Variants in TLL2 observed in about 807,000 individuals in gnomAD.
TLL2 encodes tolloid-like protein 2.
Under a neutral mutation model 123.0 loss-of-function variants are expected in TLL2, and 106 were observed. That is an observed-to-expected ratio of 0.86 (90% confidence interval 0.74 to 1.01). TLL2 has a LOEUF of 1.01. Ranked by LOEUF, TLL2 falls within the 50% of genes least tolerant of loss-of-function variation. The pLI, the probability that TLL2 is intolerant of heterozygous loss-of-function variation, is 0.00. For synonymous variants in TLL2, 494 were observed against 516.8 expected (o/e 0.96, Z 0.60); for missense variants, 1,332 against 1,336.7 (o/e 1.00, Z 0.06).
chr10:96,400,887 A>G (rs1846386784), intron 10 of TLL2, among the ~76,000 whole-genome samples: 1 of 152,206 alleles, frequency 6.6e-6, no homozygotes, highest in Non-Finnish European at 1.5e-5. Flanking sequence ...GTGCAATATC[A>G]TAAGTGACCC....
At chr10:96,384,519 C>A in intron 16 of TLL2, 68 bp downstream of exon 16, 2 of 1,417,520 alleles carry the variant, frequency 1.4e-6, no homozygotes, top group Non-Finnish European at 1.9e-6. Context: ...GGCCAGGGAC[C>A]CCAGAGCCTG....
intron 9 of TLL2, among the ~76,000 whole-genome samples, chr10:96,409,031 A>T (rs73324586): frequency 0.013 from 1,948 of 152,366 alleles, 36 homozygotes; most frequent in African/African-American, 0.04. Flanking sequence ...ATTTGTCTCT[A>T]GTTAGCACAC....
At position 96,420,878 on chromosome 10, in the gene TLL2, C is replaced by T. The variant is rs551999101; in HGVS notation, c.923+78G>A. The T allele has an allele frequency of 2.0e-5, 26 of 1,293,732 alleles. 2 individuals are homozygous for T. The highest frequency in any genetic ancestry group is 9.6e-5 in the South Asian group (8 of 83,768). The allele number at this position is 1,293,732 out of a possible 1,614,324, so 80.1% of individuals were successfully genotyped here. ...TAGAAGCATGCAGAGACCCACTCTCCGCAGACCTCCAGGAATCCAACCCAA... is the reference window on the plus strand; with the variant it reads ...TAGAAGCATGCAGAGACCCACTCTCTGCAGACCTCCAGGAATCCAACCCAA... On this transcript the variant is annotated intron_variant, in intron 7 of 20. Transcript: ENST00000357947.
rs184598175 is a variant in TLL2, at chr10:96,485,578, A to G, written c.176-5119T>C. Among the ~76,000 whole-genome samples, 939 of 152,342 alleles carry G rather than the reference A, an allele frequency of 6.2e-3. 8 individuals carry two copies. The highest frequency in any genetic ancestry group is 0.021 in the African/African-American group (873 of 41,592). On this transcript the variant is annotated intron_variant, in intron 1 of 20. Coordinates refer to ENST00000357947, the MANE Select transcript of TLL2 (RefSeq NM_012465.4). ...AGTCATTAGGGAAATGCAAATCAAA[A>G]CCACAATGAAGTACCACTTCACAGC...
intron 6 of TLL2, 131 bp downstream of exon 6, chr10:96,422,418 A>G (rs1467617270): frequency 9.0e-7 from 1 of 1,106,644 alleles, no homozygotes; most frequent in Non-Finnish European, 1.3e-6. Context: ...CCTGTACAAC[A>G]GAGTCATTGC....
At position 96,513,678 on chromosome 10, in the gene TLL2, C is replaced by A; in HGVS notation, c.8G>T (p.Arg3Leu). MP[R>L]ATALGALVSL... ...CACCAGGGCCCCAAGTGCAGTCGCC[C>A]GGGGCATGGTGGCGCGGGGCCGGCT... The change falls in exon 1 of 21, where the codon CGG becomes CTG. Residue 3 changes from arginine (R) to leucine (L), a missense_variant. Physicochemically the swap from Arg to Leu is moderately radical, Grantham distance 102. Coordinates refer to ENST00000357947, the MANE Select transcript of TLL2 (RefSeq NM_012465.4). 1 of 1,547,130 alleles carries A rather than the reference C, an allele frequency of 6.5e-7. No individual in the cohort carries two copies. Among genetic ancestry groups the A allele is most frequent in the Non-Finnish European group, 8.7e-7 (1 of 1,152,420 alleles).
rs115258067 is a variant in TLL2 at position 96,399,209 on chromosome 10, C to A, written c.1268-1907G>T. 5.3e-3 allele frequency among the ~76,000 whole-genome samples: 810 copies of A among 152,248 alleles called. 14 individuals carry two copies. Among genetic ancestry groups the A allele is most frequent in the African/African-American group, 0.018 (760 of 41,520 alleles). On this transcript the variant is annotated intron_variant, in intron 10 of 20. Coordinates refer to ENST00000357947, the MANE Select transcript of TLL2 (RefSeq NM_012465.4). ...TCTAAAATTGATTGTGGTGACACAA[C>A]TCTGAGCATGCTAAAAACCATTGAC...
Position 96,395,935 on chromosome 10 carries a change from A to G in TLL2, c.1470T>C (p.Cys490=). 1 of 1,614,226 alleles carries G rather than the reference A, an allele frequency of 6.2e-7. No homozygotes were observed. Among genetic ancestry groups the G allele is most frequent in the Non-Finnish European group, 8.5e-7 (1 of 1,180,040 alleles). ...CCTCTGAAACCGTAATCCTCCAGACACATTCCTTGGAAGGTCTGTAGTCAT... is the reference window on the plus strand; with the variant it reads ...CCTCTGAAACCGTAATCCTCCAGACGCATTCCTTGGAAGGTCTGTAGTCAT... The part of the protein sequence containing the change: ...YPDDYRPSKE[C]VWRITVSEGF... Residue 490 remains cysteine, a synonymous_variant, in exon 12 of 21, where the codon TGT becomes TGC. Transcript: ENST00000357947.
chr10:96,420,405 A>G (rs1846608114), intron 7 of TLL2, among the ~76,000 whole-genome samples: 1 of 152,242 alleles, frequency 6.6e-6, no homozygotes. Context: ...CCCTACTTGA[A>G]TACAGCGGCT....
chr10:96,443,311 G>A (rs1846866711), intron 3 of TLL2, among the ~76,000 whole-genome samples: 1 of 152,158 alleles, frequency 6.6e-6, no homozygotes, highest in South Asian at 2.1e-4. Flanking sequence ...GAAGTTTTGA[G>A]TCCAGGCCTT....
At chr10:96,456,056 G>C (rs779809849) in intron 2 of TLL2, among the ~76,000 whole-genome samples, 4 of 152,216 alleles carry the variant, frequency 2.6e-5, no homozygotes, top group Admixed American at 6.5e-5. Flanking sequence ...GTGAGGTAGA[G>C]TCTATCACTA....
intron 3 of TLL2, among the ~76,000 whole-genome samples, chr10:96,443,782 T>C (rs1846870919): frequency 6.6e-6 from 1 of 152,218 alleles, no homozygotes; most frequent in Non-Finnish European, 1.5e-5. Context: ...TGAAGGACCA[T>C]TGAGTACCAG....
chr10:96,401,377 G>A (rs552370120), intron 10 of TLL2, among the ~76,000 whole-genome samples: 4 of 152,176 alleles, frequency 2.6e-5, no homozygotes, highest in Admixed American at 2.6e-4. Context: ...CAGCTCGGCC[G>A]ACACAATGCA....
intron 7 of TLL2, among the ~76,000 whole-genome samples, chr10:96,415,729 G>GTCTCTCTCTGTCTCTCTCTCTCTC (rs1554934638): frequency 1.2e-4 from 1 of 8,578 alleles, no homozygotes; most frequent in Non-Finnish European, 2.2e-4. Context: ...CTCTCTCTCT[G>GTCTCTCTCTGTCTCTCTCTCTCTC]TCTCTCTCTG....
In TLL2 at chr10:96,467,539, G is replaced by A. The variant is rs141437115; in HGVS notation, c.286+12810C>T. Reference sequence around the variant, plus strand: ...TGAGCCACCATGCCTGGCCATAAAAGATCTTTTATTTTGTCAACAAGAATT... The same window carrying A: ...TGAGCCACCATGCCTGGCCATAAAAAATCTTTTATTTTGTCAACAAGAATT... On this transcript the variant is annotated intron_variant, in intron 2 of 20. Coordinates refer to ENST00000357947, the MANE Select transcript of TLL2 (RefSeq NM_012465.4). 2.7e-3 allele frequency among the ~76,000 whole-genome samples: 411 copies of A among 152,200 alleles called. 2 individuals are homozygous for A. The highest frequency in any genetic ancestry group is 9.5e-3 in the African/African-American group (396 of 41,528).
Position 96,370,325 on chromosome 10 carries a change from A to T in TLL2, c.2663-10T>A. ...AGCCTGCCCCCGCACTCTGGAGCAG[A>T]GAGAAGTGAGATGTCCCCTCAGCAC... On this transcript the variant is annotated splice_polypyrimidine_tract_variant and intron_variant, in intron 19 of 20. Coordinates refer to ENST00000357947, the MANE Select transcript of TLL2 (RefSeq NM_012465.4). 6.5e-7 allele frequency: 1 copy of T among 1,549,566 alleles called. No individual in the cohort carries two copies. The highest frequency in any genetic ancestry group is 8.7e-7 in the Non-Finnish European group (1 of 1,145,386).
At chr10:96,372,150 A>C (rs1424326453) in intron 19 of TLL2, among the ~76,000 whole-genome samples, 1 of 152,182 alleles carries the variant, frequency 6.6e-6, no homozygotes, top group Non-Finnish European at 1.5e-5. Flanking sequence ...AGGGCTTTTA[A>C]ACTTCCCTGT....
intron 5 of TLL2, among the ~76,000 whole-genome samples, chr10:96,426,839 T>C (rs1444563545): frequency 2.6e-5 from 4 of 152,248 alleles, no homozygotes; most frequent in Non-Finnish European, 5.9e-5. Flanking sequence ...CTTGAATTTG[T>C]TAGCTCTGTA....
intron 4 of TLL2, among the ~76,000 whole-genome samples, chr10:96,432,062 G>C (rs1308010982): frequency 6.6e-6 from 1 of 152,128 alleles, no homozygotes; most frequent in African/African-American, 2.4e-5. Context: ...GTACTTGAGG[G>C]AGGGCATTAC....
Sources: gnomAD v4.1 joint callset for allele counts (sites outside exome capture counted in the v4.1 genomes callset) on GRCh38, gnomAD v4.1.1 for gene constraint, MANE v1.5 for transcripts, NCBI Gene and HGNC (gene_info 2026-07-23, HGNC 2026-07-21) for gene names.